The following GABRB1 variants were observed in gnomAD, a reference collection of about 807,000 sequenced individuals.
The protein encoded by GABRB1 is gamma-aminobutyric acid receptor subunit beta-1.
In GABRB1, 17 loss-of-function variants were observed where a neutral mutation model predicts 51.6. The ratio of observed to expected loss-of-function variants is 0.33; its 90% CI spans 0.23 to 0.49. The LOEUF (loss-of-function observed/expected upper bound fraction) is 0.49, where lower values mean the gene tolerates loss of function less well. Ranked by LOEUF, GABRB1 falls within the 20% of genes least tolerant of loss-of-function variation. The pLI, the probability that GABRB1 is intolerant of heterozygous loss-of-function variation, is 0.99. For missense variants in GABRB1, 410 were observed against 600.6 expected (o/e 0.68, Z 3.32); for synonymous variants, 247 against 218.9 (o/e 1.13, Z -1.14).
At chr4:47,340,913 T>C (rs758740319) in intron 5 of GABRB1, among the ~76,000 whole-genome samples, 1 of 152,206 alleles carries the variant, frequency 6.6e-6, no homozygotes, top group Non-Finnish European at 1.5e-5. Context: ...CATGTTACAT[T>C]ATTTGTAAGT....
At chr4:47,182,408 G>A (rs1259594045) in intron 4 of GABRB1, among the ~76,000 whole-genome samples, 1 of 151,922 alleles carries the variant, frequency 6.6e-6, no homozygotes, top group East Asian at 1.9e-4. Flanking sequence ...TAATTGATGA[G>A]CAAATGATCC....
At chr4:47,416,596 C>G (rs949667331) in intron 8 of GABRB1, among the ~76,000 whole-genome samples, 2 of 151,708 alleles carry the variant, frequency 1.3e-5, no homozygotes, top group Admixed American at 1.3e-4. Context: ...GGACTACAGG[C>G]GCCCGCCACC....
chr4:47,279,937 G>A (rs1259938238), intron 4 of GABRB1, among the ~76,000 whole-genome samples: 3 of 150,034 alleles, frequency 2.0e-5, no homozygotes, highest in Non-Finnish European at 4.4e-5. Flanking sequence ...TTTTTTTTTA[G>A]CCATTCAGTC....
At chr4:47,090,472 TCTC>T (rs1430360145) in intron 3 of GABRB1, among the ~76,000 whole-genome samples, 4 of 152,080 alleles carry the variant, frequency 2.6e-5, no homozygotes, top group African/African-American at 7.2e-5. Flanking sequence ...TGCAATGAGA[TCTC>T]CTCAGCAGAT....
chr4:47,403,818 A>G, intron 7 of GABRB1, 107 bp downstream of exon 7: 1 of 1,037,478 alleles, frequency 9.6e-7, no homozygotes, highest in South Asian at 1.6e-5. Flanking sequence ...CCAAAGAATT[A>G]GATCATCTTA....
intron 4 of GABRB1, among the ~76,000 whole-genome samples, chr4:47,260,426 G>A (rs183641225): frequency 1.3e-5 from 2 of 152,236 alleles, no homozygotes; most frequent in South Asian, 2.1e-4. Flanking sequence ...TAGCCTCGAT[G>A]GTCTTTACAT....
intron 4 of GABRB1, among the ~76,000 whole-genome samples, chr4:47,175,832 A>C (rs558641753): frequency 7.9e-5 from 12 of 152,300 alleles, no homozygotes; most frequent in African/African-American, 2.2e-4. Context: ...GCTGCACTTA[A>C]AATATGTTCA....
chr4:47,035,326 C>T (rs1262617703), intron 3 of GABRB1, among the ~76,000 whole-genome samples: 1 of 151,920 alleles, frequency 6.6e-6, no homozygotes, highest in East Asian at 1.9e-4. Flanking sequence ...AATTAAGAAA[C>T]AAAAGCAATC....
intron 3 of GABRB1, among the ~76,000 whole-genome samples, chr4:47,034,649 A>G (rs1390057946): frequency 1.3e-5 from 2 of 152,182 alleles, no homozygotes; most frequent in Non-Finnish European, 2.9e-5. Context: ...AATGAGCACT[A>G]TCAACAGAAC....
At chr4:47,288,021 T>C (rs368653743) in intron 4 of GABRB1, among the ~76,000 whole-genome samples, 9 of 152,322 alleles carry the variant, frequency 5.9e-5, no homozygotes, top group African/African-American at 1.7e-4. Context: ...GCAGAGGCAC[T>C]AAACTACATC....
chr4:47,249,582 T>C (rs1721902155), intron 4 of GABRB1, among the ~76,000 whole-genome samples: 1 of 152,100 alleles, frequency 6.6e-6, no homozygotes, highest in East Asian at 1.9e-4. Context: ...GGTCTATTAG[T>C]AATTGTTTTA....
chr4:47,340,024 CA>C (rs910754120), intron 5 of GABRB1, among the ~76,000 whole-genome samples: 28 of 152,080 alleles, frequency 1.8e-4, no homozygotes, highest in African/African-American at 6.8e-4. Context: ...CTTAACATTC[CA>C]AAATTTAACA....
At chr4:47,145,028 G>C (rs1288192385) in intron 3 of GABRB1, among the ~76,000 whole-genome samples, 2 of 151,786 alleles carry the variant, frequency 1.3e-5, no homozygotes, top group African/African-American at 4.8e-5. Context: ...GACTCCCCTT[G>C]GGACTTGTAG....
intron 5 of GABRB1, among the ~76,000 whole-genome samples, chr4:47,334,455 A>G (rs982346037): frequency 6.6e-6 from 1 of 152,116 alleles, no homozygotes; most frequent in Non-Finnish European, 1.5e-5. Flanking sequence ...AAATACATAC[A>G]CCTGAACAGC....
At chr4:47,257,572 T>C (rs750701669) in intron 4 of GABRB1, among the ~76,000 whole-genome samples, 1 of 151,808 alleles carries the variant, frequency 6.6e-6, no homozygotes. Flanking sequence ...GGAGGGTGGA[T>C]TGGTGAGAAG....
At chr4:47,335,412 C>A (rs1429375822) in intron 5 of GABRB1, among the ~76,000 whole-genome samples, 2 of 151,840 alleles carry the variant, frequency 1.3e-5, no homozygotes, top group Non-Finnish European at 2.9e-5. Flanking sequence ...TGGAAATATT[C>A]GGAAGTGTCC....
chr4:47,277,601 A>G (rs772567428), intron 4 of GABRB1, among the ~76,000 whole-genome samples: 3 of 152,098 alleles, frequency 2.0e-5, no homozygotes, highest in Non-Finnish European at 4.4e-5. Context: ...GCCTATATCA[A>G]AACATCTCAT....
At chr4:47,143,205 C>G (rs1577947244) in intron 3 of GABRB1, among the ~76,000 whole-genome samples, 1 of 151,792 alleles carries the variant, frequency 6.6e-6, no homozygotes, top group African/African-American at 2.4e-5. Context: ...ACTGCCAGGT[C>G]AGAACAGGAA....
At chr4:47,291,766 C>T (rs1247396971) in intron 4 of GABRB1, among the ~76,000 whole-genome samples, 2 of 152,120 alleles carry the variant, frequency 1.3e-5, no homozygotes, top group African/African-American at 4.8e-5. Flanking sequence ...CCCTGTAACC[C>T]CTTTGTTTTG....
Sources: allele counts gnomAD v4.1 joint callset (sites outside exome capture counted in the v4.1 genomes callset), GRCh38; gene constraint gnomAD v4.1.1; transcripts MANE v1.5; gene names NCBI Gene and HGNC (gene_info 2026-07-23, HGNC 2026-07-21).